The following PRIM2 variants were observed in gnomAD, a reference collection of about 807,000 sequenced individuals.
PRIM2 encodes the protein DNA primase subunit 2, also known as DNA primase large subunit.
Under a neutral mutation model 67.3 loss-of-function variants are expected in PRIM2, and 39 were observed. That is an observed-to-expected ratio of 0.58 (90% CI 0.45 to 0.76). The LOEUF is 0.76. Among genes scored for constraint, PRIM2 ranks in the 30% least tolerant of loss-of-function variants. The probability of loss-of-function intolerance (pLI) is 0.00; values close to 1 mark genes in which losing one functional copy is unlikely to be tolerated. For missense variants in PRIM2, 398 were observed against 598.7 expected (o/e 0.66, Z 3.50); for synonymous variants, 143 against 198.7 (o/e 0.72, Z 2.36).
At chr6:57,302,000 C>G in the PRIM2 span, among the ~76,000 whole-genome samples, 8 of 152,120 alleles carry the variant, frequency 5.3e-5, no homozygotes, top group African/African-American at 1.7e-4. Flanking sequence ...GAAGACATTC[C>G]TATTTACTGG....
At chr6:57,627,521 T>G (rs1194059318) in intron 12 of PRIM2, among the ~76,000 whole-genome samples, 2 of 151,268 alleles carry the variant, frequency 1.3e-5, no homozygotes, top group African/African-American at 4.9e-5. Context: ...CCTGAGTAGC[T>G]GGGATTACAG....
chr6:57,381,639 TG>T (rs1382691146), intron 6 of PRIM2, among the ~76,000 whole-genome samples: 1 of 152,208 alleles, frequency 6.6e-6, no homozygotes, highest in Admixed American at 6.5e-5. Flanking sequence ...GCTCTGAATA[TG>T]TTGTTTACAA....
rs1267187820 is a variant in PRIM2 at position 57,374,804 on chromosome 6, A to G, written c.460-5097A>G. Among the ~76,000 whole-genome samples the G allele has an allele frequency of 2.6e-5, 4 of 152,098 alleles. No homozygotes were observed. The East Asian group carries it at 5.8e-4, about 22-fold the overall frequency. ...CGGGGTTTCGCCGTGTTGGGCAGTC[A>G]TGAACTCCTGACCTGAGGTGGTTCA... On this transcript the variant is annotated intron_variant, in intron 5 of 13. Coordinates refer to ENST00000615550, the MANE Select transcript of PRIM2 (RefSeq NM_000947.5).
the PRIM2 span, among the ~76,000 whole-genome samples, chr6:57,283,482 A>G: frequency 6.6e-6 from 1 of 152,200 alleles, no homozygotes; most frequent in African/African-American, 2.4e-5. Flanking sequence ...GCACTTCTCC[A>G]TATAGTTATA....
At chr6:57,365,686 G>A (rs1769332690) in intron 5 of PRIM2, among the ~76,000 whole-genome samples, 2 of 152,154 alleles carry the variant, frequency 1.3e-5, no homozygotes, top group Non-Finnish European at 2.9e-5. Context: ...TAGGCTGTGT[G>A]CGGTAGCTCG....
intron 7 of PRIM2, among the ~76,000 whole-genome samples, chr6:57,412,470 A>G (rs1477088936): frequency 6.6e-6 from 1 of 152,030 alleles, no homozygotes; most frequent in African/African-American, 2.4e-5. Context: ...AAATTAAATT[A>G]TTGGGTCAGA....
chr6:57,345,635 C>G (rs1768651335), intron 5 of PRIM2, among the ~76,000 whole-genome samples: 2 of 152,068 alleles, frequency 1.3e-5, no homozygotes, highest in African/African-American at 4.8e-5. Flanking sequence ...GGGTTCTGAT[C>G]CAGACACCAA....
At chr6:57,319,705 G>A (rs1945492983) in intron 2 of PRIM2, among the ~76,000 whole-genome samples, 1 of 152,144 alleles carries the variant, frequency 6.6e-6, no homozygotes, top group South Asian at 2.1e-4. Flanking sequence ...TGAGGAGTGA[G>A]GGAGCAGGTG....
chr6:57,375,099 CTA>C (rs1769714167), intron 5 of PRIM2, among the ~76,000 whole-genome samples: 2 of 152,308 alleles, frequency 1.3e-5, no homozygotes, highest in Non-Finnish European at 2.9e-5. Context: ...ACTTTCAAGA[CTA>C]TGTTGAATAG....
chr6:57,467,964 C>T (rs1773245552), intron 7 of PRIM2, among the ~76,000 whole-genome samples: 1 of 152,220 alleles, frequency 6.6e-6, no homozygotes, highest in East Asian at 1.9e-4. Context: ...GTGATTTTTG[C>T]ACATTGATTT....
chr6:57,327,197 G>A (rs894700388), intron 5 of PRIM2, among the ~76,000 whole-genome samples: 32 of 151,982 alleles, frequency 2.1e-4, no homozygotes, highest in African/African-American at 6.0e-4. Flanking sequence ...CCACCGTGCC[G>A]GGCCTAGAAT....
At chr6:57,270,094 G>A in the PRIM2 span, among the ~76,000 whole-genome samples, 39 of 152,116 alleles carry the variant, frequency 2.6e-4, no homozygotes, top group African/African-American at 8.9e-4. Context: ...TTTTGGCTTA[G>A]GATTGACTTG....
At chr6:57,508,262 CGTT>C (rs1433284154) in intron 8 of PRIM2, among the ~76,000 whole-genome samples, 2 of 151,856 alleles carry the variant, frequency 1.3e-5, no homozygotes, top group African/African-American at 2.4e-5. Context: ...TTGTTGTTGT[CGTT>C]GTTGTTTTTT....
At chr6:57,577,347 AT>A (rs1418662283) in intron 10 of PRIM2, among the ~76,000 whole-genome samples, 2 of 151,822 alleles carry the variant, frequency 1.3e-5, no homozygotes, top group African/African-American at 2.4e-5. Flanking sequence ...AAATAGGGAT[AT>A]TCACACCACC....
At chr6:57,453,526 G>A (rs1332562618) in intron 7 of PRIM2, among the ~76,000 whole-genome samples, 1 of 152,010 alleles carries the variant, frequency 6.6e-6, no homozygotes, top group African/African-American at 2.4e-5. Flanking sequence ...GGATTCCTAG[G>A]TATTTTATTC....
the PRIM2 span, among the ~76,000 whole-genome samples, chr6:57,306,428 T>C: frequency 6.6e-6 from 1 of 152,100 alleles, no homozygotes; most frequent in African/African-American, 2.4e-5. Context: ...AGAGACGAAA[T>C]TCACTGTCAA....
At chr6:57,631,928 G>A (rs1262587823) in intron 12 of PRIM2, among the ~76,000 whole-genome samples, 7 of 152,176 alleles carry the variant, frequency 4.6e-5, no homozygotes, top group Admixed American at 3.3e-4. Context: ...CTTGTCATCT[G>A]TGGTTTAATG....
At chr6:57,391,172 C>T (rs1040025587) in intron 7 of PRIM2, among the ~76,000 whole-genome samples, 1 of 146,458 alleles carries the variant, frequency 6.8e-6, no homozygotes, top group African/African-American at 2.6e-5. Flanking sequence ...GCTTCTTGGC[C>T]ACATGTATGT....
chr6:57,267,220 A>C, the PRIM2 span, among the ~76,000 whole-genome samples: 1 of 152,168 alleles, frequency 6.6e-6, no homozygotes, highest in African/African-American at 2.4e-5. Context: ...ACAAAGGTCC[A>C]CTTTGCTTGG....
Sources: gnomAD v4.1 joint callset for allele counts (sites outside exome capture counted in the v4.1 genomes callset) on GRCh38, gnomAD v4.1.1 for gene constraint, MANE v1.5 for transcripts, NCBI Gene and HGNC (gene_info 2026-07-23, HGNC 2026-07-21) for gene names.